The following STEAP1B variants were observed in gnomAD, a reference collection of about 807,000 sequenced individuals.
STEAP1B encodes STEAP family protein MGC87042.
In STEAP1B, 13 loss-of-function variants were observed where a neutral mutation model predicts 27.9. The observed-to-expected ratio is 0.47, with a 90% CI of 0.30 to 0.74. The LOEUF is 0.74. Among genes scored for constraint, STEAP1B ranks in the 30% least tolerant of loss-of-function variants. The pLI, the probability that STEAP1B is intolerant of heterozygous loss-of-function variation, is 0.06. For missense variants in STEAP1B, 250 were observed against 298.7 expected, an observed-to-expected ratio of 0.84 and a Z score of 1.20; for synonymous variants, 86 against 107.1, an observed-to-expected ratio of 0.80 and a Z score of 1.22.
At chr7:22,495,566 G>T (rs1415078873) in intron 1 of STEAP1B, 1 of 152,180 alleles carries the variant, frequency 6.6e-6, no homozygotes, top group Admixed American at 6.5e-5. Context: ...CAGGATTGGT[G>T]TAACATTTTT....
At chr7:22,497,841 T>C (rs539203909) in intron 1 of STEAP1B, among the ~76,000 whole-genome samples, 162 of 152,222 alleles carry the variant, frequency 1.1e-3, no homozygotes, top group African/African-American at 3.4e-3. Context: ...ATAGTCATGG[T>C]GGAAGGTGAA....
chr7:22,455,692 C>T (rs1356735275), intron 4 of STEAP1B, among the ~76,000 whole-genome samples: 1 of 152,220 alleles, frequency 6.6e-6, no homozygotes, highest in Non-Finnish European at 1.5e-5. Context: ...AATACATTCA[C>T]AGAGGCAGAA....
chr7:22,466,072 A>G (rs1006562503), intron 4 of STEAP1B, among the ~76,000 whole-genome samples: 3 of 152,330 alleles, frequency 2.0e-5, no homozygotes, highest in Non-Finnish European at 4.4e-5. Flanking sequence ...TTCTCAGGGT[A>G]TGCTGAAGTT....
intron 4 of STEAP1B, among the ~76,000 whole-genome samples, chr7:22,448,568 T>G (rs1785441054): frequency 6.6e-6 from 1 of 152,204 alleles, no homozygotes; most frequent in African/African-American, 2.4e-5. Flanking sequence ...ATGTTAAAAT[T>G]TTTCTTCTGG....
rs1353568100 is a variant in STEAP1B at position 22,494,867 on chromosome 7, A to G, written c.-12T>C. ...TTTCTGCTTTCCATTAATTCTATAAAATAGTATGGCTTCAGCCACCTGTAA... is the reference window on the plus strand; with the variant it reads ...TTTCTGCTTTCCATTAATTCTATAAGATAGTATGGCTTCAGCCACCTGTAA... On this transcript the variant is annotated 5_prime_UTR_variant, in exon 2 of 5. Coordinates refer to ENST00000678116, the MANE Select transcript of STEAP1B (RefSeq NM_001382447.1). 6.7e-7 allele frequency: 1 copy of G among 1,502,668 alleles called. No individual in the cohort carries two copies. Among genetic ancestry groups the G allele is most frequent in the East Asian group, 2.3e-5 (1 of 43,162 alleles). The allele number at this position is 1,502,668 out of a possible 1,614,324, so 93.1% of individuals were successfully genotyped here.
chr7:22,474,846 C>G (rs1198557373), intron 4 of STEAP1B, among the ~76,000 whole-genome samples: 2 of 152,168 alleles, frequency 1.3e-5, no homozygotes, highest in Non-Finnish European at 2.9e-5. Context: ...GTGGACAGCT[C>G]CCATTCCAGT....
At chr7:22,466,411 T>A (rs887802754) in intron 4 of STEAP1B, among the ~76,000 whole-genome samples, 14 of 128,360 alleles carry the variant, frequency 1.1e-4, no homozygotes, top group African/African-American at 4.1e-4. Context: ...TATCTACTGT[T>A]TTCTTTGTGT....
intron 4 of STEAP1B, among the ~76,000 whole-genome samples, chr7:22,489,155 A>G (rs141973622): frequency 1.6e-4 from 25 of 152,328 alleles, no homozygotes; most frequent in Admixed American, 6.5e-4. Context: ...ACAAAAGAAC[A>G]TAAGACCTAG....
At chr7:22,494,328 C>T (rs1299404509) in intron 2 of STEAP1B, among the ~76,000 whole-genome samples, 2 of 151,986 alleles carry the variant, frequency 1.3e-5, no homozygotes, top group Non-Finnish European at 2.9e-5. Flanking sequence ...TTTGGTTATA[C>T]AGTGAATCGT....
intron 4 of STEAP1B, among the ~76,000 whole-genome samples, chr7:22,447,042 CTT>C (rs754266595): frequency 4.6e-5 from 7 of 152,176 alleles, no homozygotes; most frequent in East Asian, 3.8e-4. Context: ...AAATTCATCT[CTT>C]GTTTTAGGGT....
At chr7:22,427,861 T>C (rs1373920175) in intron 4 of STEAP1B, among the ~76,000 whole-genome samples, 3 of 151,958 alleles carry the variant, frequency 2.0e-5, no homozygotes, top group Non-Finnish European at 4.4e-5. Context: ...AGTAGAGAAA[T>C]AGTAGAAATC....
intron 4 of STEAP1B, among the ~76,000 whole-genome samples, chr7:22,454,238 C>T (rs1340371979): frequency 6.6e-6 from 1 of 152,062 alleles, no homozygotes; most frequent in African/African-American, 2.4e-5. Flanking sequence ...CAAGAAAGAC[C>T]CACCTCCAAC....
intron 4 of STEAP1B, among the ~76,000 whole-genome samples, chr7:22,479,729 G>A (rs1011512940): frequency 4.6e-5 from 6 of 130,600 alleles, no homozygotes; most frequent in Non-Finnish European, 9.3e-5. Flanking sequence ...CTGTTACCCA[G>A]GCTGAAGTAC....
intron 4 of STEAP1B, among the ~76,000 whole-genome samples, chr7:22,442,496 C>T (rs1043769902): frequency 2.0e-5 from 3 of 152,236 alleles, no homozygotes; most frequent in East Asian, 1.9e-4. Context: ...GCAAGTTGGG[C>T]CTCAAGGACA....
chr7:22,471,737 A>C (rs1182395759), intron 4 of STEAP1B, among the ~76,000 whole-genome samples: 2 of 152,048 alleles, frequency 1.3e-5, no homozygotes, highest in African/African-American at 4.8e-5. Flanking sequence ...CACTGTCTCT[A>C]CAAAATATTT....
At chr7:22,483,764 T>C (rs778440355) in intron 4 of STEAP1B, among the ~76,000 whole-genome samples, 4 of 152,206 alleles carry the variant, frequency 2.6e-5, no homozygotes, top group Non-Finnish European at 5.9e-5. Flanking sequence ...AATTTCAGTG[T>C]TGGATCTTGG....
In STEAP1B at chr7:22,487,594, C is replaced by T. The variant is rs903671916; in HGVS notation, c.762+4971G>A. ...GGCGGGGGGGTGCATCACCTGAGGTCGGGAGTTCAAGACCAGCCTGACCAA... is the reference window on the plus strand; with the variant it reads ...GGCGGGGGGGTGCATCACCTGAGGTTGGGAGTTCAAGACCAGCCTGACCAA... On this transcript the variant is annotated intron_variant, in intron 4 of 4. Transcript: ENST00000678116. Among the ~76,000 whole-genome samples, 7 of 151,008 alleles carry T rather than the reference C, an allele frequency of 4.6e-5. No individual in the cohort carries two copies. The East Asian group carries it at 1.2e-3, about 25-fold the overall frequency.
chr7:22,473,768 GC>G (rs1338607297), intron 4 of STEAP1B, among the ~76,000 whole-genome samples: 2 of 152,286 alleles, frequency 1.3e-5, no homozygotes, highest in East Asian at 1.9e-4. Flanking sequence ...ATCACTCCAG[GC>G]TAGAGGTTCC....
chr7:22,430,941 C>A (rs1785179612), intron 4 of STEAP1B, among the ~76,000 whole-genome samples: 1 of 152,178 alleles, frequency 6.6e-6, no homozygotes, highest in African/African-American at 2.4e-5. Context: ...TGGACTTGAC[C>A]CTGCTTTAGT....
Sources: allele counts gnomAD v4.1 joint callset (sites outside exome capture counted in the v4.1 genomes callset), GRCh38; gene constraint gnomAD v4.1.1; transcripts MANE v1.5; gene names NCBI Gene and HGNC (gene_info 2026-07-23, HGNC 2026-07-21).